The following DDX43 variants were observed in gnomAD, a reference collection of about 807,000 sequenced individuals.
DDX43 encodes the protein DEAD-box helicase 43, also known as probable ATP-dependent RNA helicase DDX43.
A neutral mutation model predicts 84.9 loss-of-function variants in DDX43; 50 were observed. The ratio of observed to expected loss-of-function variants is 0.59; its 90% confidence interval spans 0.47 to 0.75. DDX43 has a LOEUF of 0.75. Ranked by LOEUF, DDX43 falls within the 30% of genes least tolerant of loss-of-function variation. The pLI is 0.00. For synonymous variants in DDX43, 291 were observed against 266.3 expected (o/e 1.09, Z -0.90); for missense variants, 689 against 798.6 (o/e 0.86, Z 1.65).
Position 73,404,690 on chromosome 6 carries a change from A to G in DDX43, c.569A>G (p.Asp190Gly), listed in dbSNP as rs1450863991. 1.9e-6 allele frequency: 3 copies of G among 1,609,802 alleles called. No homozygotes were observed. Among genetic ancestry groups the G allele is most frequent in the Non-Finnish European group, 2.5e-6 (3 of 1,178,736 alleles). ...GTGTGGATTTTCGCCTTTGTCCCAG[A>G]TTTACCACCAATTAAGAAAAACTTT... ...GLKWQKTKWA[D>G]LPPIKKNFYK... The change falls in exon 5 of 17, where the codon GAT becomes GGT. Residue 190 changes from aspartate to glycine, a missense_variant and splice_region_variant. Transcript: ENST00000370336.
At chr6:73,405,526 C>G (rs1015677081) in intron 5 of DDX43, among the ~76,000 whole-genome samples, 153 bp from the exon 6 acceptor site, 1 of 152,182 alleles carries the variant, frequency 6.6e-6, no homozygotes, top group African/African-American at 2.4e-5. Context: ...ACTCCTGCTT[C>G]TATTTCTTTA....
At chr6:73,402,333 A>C (rs1769593501) in intron 4 of DDX43, among the ~76,000 whole-genome samples, 1 of 152,296 alleles carries the variant, frequency 6.6e-6, no homozygotes, top group African/African-American at 2.4e-5. Context: ...TAGATCTTGG[A>C]GTATCCTGGT....
chr6:73,404,821 T>C, intron 5 of DDX43, 50 bp downstream of exon 5: 1 of 1,419,766 alleles, frequency 7.0e-7, no homozygotes, highest in Non-Finnish European at 9.8e-7. Context: ...AGTTACGTTA[T>C]TGGTATTAAC....
chr6:73,413,061 T>A (rs1171810231), intron 11 of DDX43, among the ~76,000 whole-genome samples: 2 of 152,172 alleles, frequency 1.3e-5, no homozygotes, highest in African/African-American at 4.8e-5. Context: ...ATACCTAATT[T>A]TAACCCTGTT....
Position 73,412,283 on chromosome 6 carries a change from G to A in DDX43, c.1359G>A (p.Leu453=), listed in dbSNP as rs370824107. The change falls in exon 11 of 17, where the codon TTG becomes TTA. Residue 453 remains leucine, a synonymous_variant. Coordinates refer to ENST00000370336, the MANE Select transcript of DDX43 (RefSeq NM_018665.3). ...CAATGATTGTCTATGTTGGTACATT[G>A]GATCTAGTTGTAAGCTTTTTTTTAT... ...KEPMIVYVGT[L]DLVAVSSVKQ... 6.2e-6 allele frequency: 10 copies of A among 1,606,134 alleles called. No homozygotes were observed. Among genetic ancestry groups the A allele is most frequent in the Non-Finnish European group, 8.5e-6 (10 of 1,177,696 alleles).
chr6:73,401,917 A>AGGAGATC lies in DDX43; in HGVS notation c.498_504dup (p.Pro169ArgfsTer11). The AGGAGATC allele has an allele frequency of 6.2e-7, 1 of 1,614,112 alleles. No homozygotes were observed. Among genetic ancestry groups the AGGAGATC allele is most frequent in the Non-Finnish European group, 8.5e-7 (1 of 1,179,980 alleles). ...GAAGCACAGATAACAATGTTGTTGC[A>AGGAGATC]GGAGATCGGCCATTGATAGATTGGG... On this transcript the variant is annotated frameshift_variant, in exon 4 of 17. Transcript: ENST00000370336. LOFTEE classifies it high-confidence loss of function.
At position 73,417,209 on chromosome 6, in the gene DDX43, T is replaced by C. The variant is rs1225708805; in HGVS notation, c.*48T>C. 2 of 152,226 alleles carry C rather than the reference T, an allele frequency of 1.3e-5. No homozygotes were observed. The highest frequency in any genetic ancestry group is 4.8e-5 in the African/African-American group (2 of 41,454). 9.4% of individuals were successfully genotyped at this position (152,226 alleles called of 1,614,324 possible). A position where few individuals can be genotyped will look rare whatever the true frequency, so the allele number is the denominator to read the frequency against. ...CAGAATTCAAGATTTTTTAGAAATA[T>C]AGTAAGACGGAAGTATTGGACATGT... On this transcript the variant is annotated 3_prime_UTR_variant, in exon 17 of 17. Coordinates refer to ENST00000370336, the MANE Select transcript of DDX43 (RefSeq NM_018665.3).
rs1163840825 is a variant in DDX43, at chr6:73,406,438, G to C, written c.882G>C (p.Leu294Phe). Residue 294 changes from leucine (L) to phenylalanine (F), a missense_variant, in exon 7 of 17, where the codon TTG becomes TTC. This residue lies in a region of DDX43 where 552 missense variants were observed against 692.7 expected (regional missense o/e 0.80). Coordinates refer to ENST00000370336, the MANE Select transcript of DDX43 (RefSeq NM_018665.3). ...CCCAGACTGGAACAGGAAAGACATT[G>C]TGTTATTTAATGCCTGGATTTATTC... ...GVAQTGTGKT[L>F]CYLMPGFIHL... 1 of 1,613,552 alleles carries C rather than the reference G, an allele frequency of 6.2e-7. No individual in the cohort carries two copies. The highest frequency in any genetic ancestry group is 8.5e-7 in the Non-Finnish European group (1 of 1,179,680).
At chr6:73,396,159 A>G (rs1038733577) in intron 1 of DDX43, among the ~76,000 whole-genome samples, 2 of 152,032 alleles carry the variant, frequency 1.3e-5, no homozygotes, top group Non-Finnish European at 2.9e-5. Flanking sequence ...AGGTTTCACC[A>G]TATTACCCAG....
At chr6:73,397,179 A>C (rs538837) in intron 1 of DDX43, among the ~76,000 whole-genome samples, 7,824 of 152,254 alleles carry the variant, frequency 0.051, 290 homozygotes, top group Non-Finnish European at 0.074. Context: ...CCAACAGTAC[A>C]CAGGGGTTCC....
chr6:73,404,845 G>A, intron 5 of DDX43, 74 bp downstream of exon 5: 1 of 1,142,172 alleles, frequency 8.8e-7, no homozygotes, highest in Non-Finnish European at 1.3e-6. Flanking sequence ...TCGGGCAAAT[G>A]TGAAATGATA....
At chr6:73,414,135 T>C in intron 13 of DDX43, 56 bp downstream of exon 13, 1 of 1,082,088 alleles carries the variant, frequency 9.2e-7, no homozygotes, top group Non-Finnish European at 1.4e-6. Context: ...ATACCTGGGC[T>C]TGGCTGAGTA....
At chr6:73,409,880 C>T (rs1769753027) in intron 10 of DDX43, among the ~76,000 whole-genome samples, 1 of 151,952 alleles carries the variant, frequency 6.6e-6, no homozygotes, top group South Asian at 2.1e-4. Context: ...AAAATACAAA[C>T]TTAGCCGGGC....
chr6:73,406,185 A>G (rs1769679399), intron 6 of DDX43, among the ~76,000 whole-genome samples, 179 bp from the exon 7 acceptor site: 1 of 136,168 alleles, frequency 7.3e-6, no homozygotes, highest in Admixed American at 8.1e-5. Context: ...CACCACGCCC[A>G]GCTAATTTTT....
chr6:73,398,612 T>TA (rs570035518), intron 2 of DDX43, among the ~76,000 whole-genome samples: 4 of 152,138 alleles, frequency 2.6e-5, no homozygotes, highest in Admixed American at 2.6e-4. Context: ...TATTCGGAGG[T>TA]AAAAATCGTT....
At chr6:73,410,760 T>A (rs1769768375) in intron 10 of DDX43, among the ~76,000 whole-genome samples, 1 of 152,032 alleles carries the variant, frequency 6.6e-6, no homozygotes, top group Non-Finnish European at 1.5e-5. Context: ...ACCCAGCTCA[T>A]TTTTGTATTT....
At chr6:73,415,791 G>C (rs1410545101) in intron 15 of DDX43, among the ~76,000 whole-genome samples, 2 of 152,158 alleles carry the variant, frequency 1.3e-5, no homozygotes, top group Non-Finnish European at 2.9e-5. Context: ...GCCCCGCCAA[G>C]GAAGAAATAT....
chr6:73,394,900 G>C lies in DDX43; in HGVS notation c.-6G>C, dbSNP rs746291231. 2 of 1,613,694 alleles carry C rather than the reference G, an allele frequency of 1.2e-6. No homozygotes were observed. On this transcript the variant is annotated 5_prime_UTR_variant, in exon 1 of 17. Coordinates refer to ENST00000370336, the MANE Select transcript of DDX43 (RefSeq NM_018665.3). ...AACGACGTCGGACGCGCCCCTTCTTGGAACAATGTCCCACCACGGAGGAGC... is the reference window on the plus strand; with the variant it reads ...AACGACGTCGGACGCGCCCCTTCTTCGAACAATGTCCCACCACGGAGGAGC...
chr6:73,404,119 C>A (rs1769629468), intron 4 of DDX43, among the ~76,000 whole-genome samples: 1 of 146,440 alleles, frequency 6.8e-6, no homozygotes. Flanking sequence ...CGCCGCCGGC[C>A]CCTTTTTTTT....
Sources: allele counts gnomAD v4.1 joint callset (sites outside exome capture counted in the v4.1 genomes callset), GRCh38; gene constraint gnomAD v4.1.1; regional missense constraint gnomAD v4.1.1; transcripts MANE v1.5; gene names NCBI Gene and HGNC (gene_info 2026-07-23, HGNC 2026-07-21).